Variants in USP12 observed in about 807,000 individuals in gnomAD.
USP12 encodes ubiquitin carboxyl-terminal hydrolase 12.
In USP12, 19 loss-of-function variants were observed where a neutral mutation model predicts 45.5. The ratio of observed to expected loss-of-function variants is 0.42; its 90% CI spans 0.29 to 0.61. USP12 has a LOEUF of 0.61. USP12 is among the 20% of genes least tolerant of loss of function. The pLI is 0.22. For missense variants in USP12, 242 were observed against 447.7 expected, an observed-to-expected ratio of 0.54 and a Z score of 4.15; for synonymous variants, 149 against 148.8, an observed-to-expected ratio of 1.00 and a Z score of -0.01.
chr13:27,158,043 C>G (rs1877920675), intron 1 of USP12, among the ~76,000 whole-genome samples: 1 of 152,102 alleles, frequency 6.6e-6, no homozygotes, highest in Non-Finnish European at 1.5e-5. Context: ...ACTGTGTTCC[C>G]TAATAAAGGT....
At chr13:27,083,037 G>T (rs984718919) in intron 6 of USP12, among the ~76,000 whole-genome samples, 7 of 152,150 alleles carry the variant, frequency 4.6e-5, no homozygotes, top group African/African-American at 1.7e-4. Flanking sequence ...GTTTCACCAT[G>T]TTGGTCAGGC....
chr13:27,148,575 G>A (rs1877414469), intron 1 of USP12, among the ~76,000 whole-genome samples: 1 of 150,628 alleles, frequency 6.6e-6, no homozygotes, highest in Non-Finnish European at 1.5e-5. Flanking sequence ...TCAGGAGGCT[G>A]AGGCAGGAGA....
chr13:27,078,477 C>A (rs1170032), intron 6 of USP12, among the ~76,000 whole-genome samples: 6,641 of 151,920 alleles, frequency 0.044, 533 homozygotes, highest in African/African-American at 0.15. Context: ...TGACAAACTG[C>A]ATCCATGTTG....
rs190855789 is a variant in USP12 at position 27,118,285 on chromosome 13, C to T, written c.49-1689G>A. Among the ~76,000 whole-genome samples, 105 of 152,148 alleles carry T rather than the reference C, an allele frequency of 6.9e-4. 2 individuals carry two copies. Among genetic ancestry groups the T allele is most frequent in the Non-Finnish European group, 1.0e-3 (68 of 68,018 alleles). ...ATGGTGAGTTGGCAGTCAAGTTCCA[C>T]CAAAACAAGACGTTTCTTCTATTAT... On this transcript the variant is annotated intron_variant, in intron 1 of 8. Coordinates refer to ENST00000282344, the MANE Select transcript of USP12 (RefSeq NM_182488.4).
chr13:27,131,542 T>C (rs1876502773), intron 1 of USP12, among the ~76,000 whole-genome samples: 1 of 152,236 alleles, frequency 6.6e-6, no homozygotes, highest in African/African-American at 2.4e-5. Flanking sequence ...TAGAGTGAAG[T>C]ACCTTGTTCA....
intron 1 of USP12, among the ~76,000 whole-genome samples, chr13:27,132,524 A>G (rs1158095626): frequency 2.0e-5 from 3 of 152,188 alleles, no homozygotes; most frequent in East Asian, 1.9e-4. Context: ...TCCATGTTCC[A>G]ATCTCTTGGT....
intron 4 of USP12, among the ~76,000 whole-genome samples, chr13:27,093,643 C>A (rs1466979291): frequency 6.6e-6 from 1 of 152,166 alleles, no homozygotes; most frequent in Non-Finnish European, 1.5e-5. Flanking sequence ...TATACTCTTA[C>A]CATACAATCC....
intron 8 of USP12, 39 bp from the exon 9 acceptor site, chr13:27,069,423 T>C: frequency 2.1e-6 from 3 of 1,438,384 alleles, no homozygotes; most frequent in Non-Finnish European, 2.9e-6. Context: ...ATAAATGAGC[T>C]CTGTACAGCC....
chr13:27,165,415 T>C (rs1878306755), intron 1 of USP12, among the ~76,000 whole-genome samples: 1 of 152,196 alleles, frequency 6.6e-6, no homozygotes, highest in Admixed American at 6.5e-5. Flanking sequence ...CAAATTTCCA[T>C]TTTGGTTAGT....
At chr13:27,099,067 C>T (rs1225512803) in intron 3 of USP12, among the ~76,000 whole-genome samples, 1 of 152,090 alleles carries the variant, frequency 6.6e-6, no homozygotes, top group Non-Finnish European at 1.5e-5. Context: ...AACCCCATCT[C>T]CACTAAAAAT....
chr13:27,070,714 C>T (rs1424270786), intron 8 of USP12, among the ~76,000 whole-genome samples: 3 of 152,014 alleles, frequency 2.0e-5, no homozygotes, highest in African/African-American at 4.8e-5. Context: ...CCACCATGCC[C>T]GGCTAATTTT....
chr13:27,171,238 G>A (rs1321876778), intron 1 of USP12, among the ~76,000 whole-genome samples: 2 of 150,078 alleles, frequency 1.3e-5, no homozygotes, highest in Non-Finnish European at 3.0e-5. Context: ...CAGGCCGGGC[G>A]CGCCTCGGCC....
At chr13:27,163,791 A>G (rs1408860640) in intron 1 of USP12, among the ~76,000 whole-genome samples, 1 of 150,112 alleles carries the variant, frequency 6.7e-6, no homozygotes, top group Non-Finnish European at 1.5e-5. Context: ...AAAAAGAAAA[A>G]AAAAAAAGAA....
intron 1 of USP12, among the ~76,000 whole-genome samples, chr13:27,128,309 T>C (rs1366193224): frequency 6.6e-6 from 1 of 152,254 alleles, no homozygotes; most frequent in African/African-American, 2.4e-5. Context: ...AGAACCACTC[T>C]GTCAAGCCTT....
intron 3 of USP12, among the ~76,000 whole-genome samples, chr13:27,096,498 C>T (rs1202665137): frequency 6.6e-6 from 1 of 152,236 alleles, no homozygotes; most frequent in Non-Finnish European, 1.5e-5. Context: ...GTGCTAACAT[C>T]AAGCGTGCTT....
At chr13:27,093,736 G>A (rs1175775480) in intron 4 of USP12, among the ~76,000 whole-genome samples, 6 of 152,208 alleles carry the variant, frequency 3.9e-5, no homozygotes, top group Non-Finnish European at 8.8e-5. Context: ...GTTTATAGCA[G>A]CTTTATTCAT....
Position 27,066,830 on chromosome 13 carries a change from C to G in USP12, c.*2453G>C, listed in dbSNP as rs1873017275. ...ATCACAGTCAACCAACATACAACCT[C>G]ACGATGCTTTCTTCATGGGTCACTT... is the stretch of plus-strand genomic sequence containing the variant. On this transcript the variant is annotated 3_prime_UTR_variant, in exon 9 of 9. Coordinates refer to ENST00000282344, the MANE Select transcript of USP12 (RefSeq NM_182488.4). 6.6e-6 allele frequency: 1 copy of G among 152,222 alleles called. No homozygotes were observed. Among genetic ancestry groups the G allele is most frequent in the African/African-American group, 2.4e-5 (1 of 41,454 alleles). 9.4% of individuals were successfully genotyped at this position (152,222 alleles called of 1,614,324 possible).
At chr13:27,137,323 T>C (rs912115179) in intron 1 of USP12, among the ~76,000 whole-genome samples, 5 of 152,176 alleles carry the variant, frequency 3.3e-5, no homozygotes, top group African/African-American at 9.7e-5. Flanking sequence ...ATAGATGTCA[T>C]AATAAATCAG....
intron 2 of USP12, among the ~76,000 whole-genome samples, chr13:27,111,365 T>C (rs1875436878): frequency 6.6e-6 from 1 of 152,182 alleles, no homozygotes; most frequent in Admixed American, 6.5e-5. Flanking sequence ...TTCTCTATAT[T>C]CTTGTTTGTG....
Sources: allele counts gnomAD v4.1 joint callset (sites outside exome capture counted in the v4.1 genomes callset), GRCh38; gene constraint gnomAD v4.1.1; transcripts MANE v1.5; gene names NCBI Gene and HGNC (gene_info 2026-07-23, HGNC 2026-07-21).